The following UIMC1 variants were observed in gnomAD, a reference collection of about 807,000 sequenced individuals.
The protein encoded by UIMC1 is BRCA1-A complex subunit RAP80.
A neutral mutation model predicts 84.9 loss-of-function variants in UIMC1; 42 were observed. The ratio of observed to expected loss-of-function variants is 0.49; its 90% confidence interval spans 0.39 to 0.64. UIMC1 has a LOEUF of 0.64. Ranked by LOEUF, UIMC1 falls within the 30% of genes least tolerant of loss-of-function variation. The pLI is 0.00. For synonymous variants in UIMC1, 281 were observed against 293.0 expected (o/e 0.96, Z 0.42); for missense variants, 825 against 847.6 (o/e 0.97, Z 0.33).
chr5:176,930,919 T>C (rs538922715), intron 10 of UIMC1, among the ~76,000 whole-genome samples: 59 of 152,358 alleles, frequency 3.9e-4, no homozygotes, highest in African/African-American at 1.4e-3. Flanking sequence ...TGAGAATTCA[T>C]GTTTGCACTC....
chr5:176,911,707 TAC>T (rs1444333086), intron 10 of UIMC1, among the ~76,000 whole-genome samples: 1 of 152,184 alleles, frequency 6.6e-6, no homozygotes, highest in Admixed American at 6.5e-5. Context: ...GGGAGGGATT[TAC>T]ACTTTCCCAA....
At chr5:176,909,215 T>C (rs1028922911) in intron 11 of UIMC1, among the ~76,000 whole-genome samples, 1 of 152,234 alleles carries the variant, frequency 6.6e-6, no homozygotes, top group Non-Finnish European at 1.5e-5. Context: ...AAAAGCCATG[T>C]GGTTCTGCCA....
rs760334643 is a variant in UIMC1 at position 176,958,164 on chromosome 5, A to AAT, written c.1201-12_1201-11dup. The stretch of plus-strand genomic sequence containing the variant: ...CAATCCCTTGGGAAGACTGCAAAGA[A>AAT]ATACGTAGTATCTTAAATATACAGG... On this transcript the variant is annotated splice_polypyrimidine_tract_variant and intron_variant, in intron 6 of 14. Transcript: ENST00000511320. 5 of 1,611,890 alleles carry AAT rather than the reference A, an allele frequency of 3.1e-6. No individual in the cohort carries two copies. In the Admixed American group the frequency reaches 8.3e-5, roughly 27 times the overall value.
At position 176,943,330 on chromosome 5, in the gene UIMC1, T is replaced by A; in HGVS notation, c.1597+5A>T. 3 of 1,613,750 alleles carry A rather than the reference T, an allele frequency of 1.9e-6. No individual in the cohort carries two copies. Among genetic ancestry groups the A allele is most frequent in the Non-Finnish European group, 2.5e-6 (3 of 1,179,848 alleles). ...AAGAGTTTGGCTGTCCTGCTGGGTC[T>A]TTACCTGTATCTTCCTCCATCAGAC... On this transcript the variant is annotated splice_donor_5th_base_variant and intron_variant, in intron 10 of 14. Transcript: ENST00000511320.
At chr5:176,958,029 T>C (rs1224553783) in intron 7 of UIMC1, 64 bp downstream of exon 7, 2 of 1,521,174 alleles carry the variant, frequency 1.3e-6, no homozygotes, top group Non-Finnish European at 9.1e-7. Flanking sequence ...CTCACTCATG[T>C]GGTTCATCTC....
chr5:176,924,885 G>A (rs543184832), intron 10 of UIMC1, among the ~76,000 whole-genome samples: 254 of 151,874 alleles, frequency 1.7e-3, no homozygotes, highest in African/African-American at 5.7e-3. Flanking sequence ...CTAAAAATAC[G>A]AAAATTAGCC....
chr5:176,997,326 C>G (rs1773750897), intron 1 of UIMC1, among the ~76,000 whole-genome samples: 1 of 151,160 alleles, frequency 6.6e-6, no homozygotes, highest in African/African-American at 2.4e-5. Flanking sequence ...ACCACCGTTC[C>G]CCTCCAATCT....
chr5:176,950,095 C>A (rs887140488), intron 9 of UIMC1, among the ~76,000 whole-genome samples: 1 of 142,460 alleles, frequency 7.0e-6, no homozygotes, highest in Non-Finnish European at 1.5e-5. Context: ...TAAAAAGGAA[C>A]CTTTCTTTTT....
chr5:176,905,317 T>G lies in UIMC1; in HGVS notation c.2125A>C (p.Thr709Pro). ...VTVQPGSRTR[T>P]KAGRGRRRKF The stretch of plus-strand genomic sequence containing the variant: ...CTCCTTCTTCCTCTGCCAGCTTTGG[T>G]CCGTGTCCGACTACCTGGCTGGACA... The change falls in exon 15 of 15, where the codon ACC becomes CCC. Residue 709 changes from threonine (T) to proline (P), a missense_variant. By Grantham distance (38) the Thr-to-Pro change is conservative. Coordinates refer to ENST00000511320, the MANE Select transcript of UIMC1 (RefSeq NM_001199298.2). 6.2e-7 allele frequency: 1 copy of G among 1,614,080 alleles called. No individual in the cohort carries two copies. The highest frequency in any genetic ancestry group is 8.5e-7 in the Non-Finnish European group (1 of 1,179,966).
chr5:176,985,370 C>T (rs1456525334), intron 1 of UIMC1, among the ~76,000 whole-genome samples: 1 of 151,386 alleles, frequency 6.6e-6, no homozygotes, highest in Admixed American at 6.6e-5. Context: ...GCAGGACAAT[C>T]ACTTGAACCC....
At chr5:177,007,759 T>A (rs971407783), upstream of UIMC1, among the ~76,000 whole-genome samples, 1 of 151,606 alleles carries the variant, frequency 6.6e-6, no homozygotes, top group Non-Finnish European at 1.5e-5. Context: ...TAGCGGAAAA[T>A]GTGGGGAGAA....
At chr5:176,980,040 A>C (rs746226355) in intron 2 of UIMC1, 4 of 152,220 alleles carry the variant, frequency 2.6e-5, no homozygotes, top group Non-Finnish European at 4.4e-5. Flanking sequence ...GCTGGGACAC[A>C]TTCTTCTTCT....
chr5:176,956,375 A>G (rs1581524408), intron 7 of UIMC1, among the ~76,000 whole-genome samples: 1 of 152,248 alleles, frequency 6.6e-6, no homozygotes. Context: ...AAGGTGTTTT[A>G]TAGCCTCCAT....
rs745778858 is a variant in UIMC1 at position 176,975,430 on chromosome 5, A to G, written c.198T>C (p.Asn66=). 3 of 1,614,058 alleles carry G rather than the reference A, an allele frequency of 1.9e-6. No homozygotes were observed. Among genetic ancestry groups the G allele is most frequent in the Admixed American group, 3.3e-5 (2 of 60,010 alleles). Residue 66 remains asparagine, a synonymous_variant, in exon 3 of 15, where the codon AAT becomes AAC. Transcript: ENST00000511320. The part of the protein sequence containing the change: ...GLQKTKTKQS[N]RAKCLAKRKI... The stretch of plus-strand genomic sequence containing the variant: ...TTCTTTTGGCCAAACACTTTGCTCT[A>G]TTCGACTGTTTTGTCTTCGTTTTCT...
intron 1 of UIMC1, among the ~76,000 whole-genome samples, chr5:177,020,231 G>C (rs1035706582): frequency 4.6e-5 from 7 of 152,102 alleles, no homozygotes; most frequent in African/African-American, 7.2e-5. Context: ...TCCTGCCTCA[G>C]GGCCTTTGTA....
intron 10 of UIMC1, among the ~76,000 whole-genome samples, chr5:176,916,570 T>C (rs2149399564): frequency 6.6e-6 from 1 of 152,356 alleles, no homozygotes; most frequent in African/African-American, 2.4e-5. Flanking sequence ...TTGAATGAGA[T>C]AACTGCATTT....
chr5:176,955,263 C>T (rs566802608), intron 8 of UIMC1, among the ~76,000 whole-genome samples: 66 of 152,230 alleles, frequency 4.3e-4, no homozygotes, highest in Admixed American at 1.2e-3. Flanking sequence ...CTACCTAAAA[C>T]AAAGTACCTA....
At chr5:176,913,834 C>T (rs1293587916) in intron 10 of UIMC1, among the ~76,000 whole-genome samples, 1 of 152,100 alleles carries the variant, frequency 6.6e-6, no homozygotes, top group Non-Finnish European at 1.5e-5. Flanking sequence ...AAAAGTTAGC[C>T]AGCATGGTGG....
At chr5:176,985,974 G>A (rs575625261) in intron 1 of UIMC1, among the ~76,000 whole-genome samples, 1 of 152,192 alleles carries the variant, frequency 6.6e-6, no homozygotes, top group African/African-American at 2.4e-5. Flanking sequence ...CCTTTCAGCT[G>A]GGCGCAGTGG....
Sources: gnomAD v4.1 joint callset for allele counts (sites outside exome capture counted in the v4.1 genomes callset) on GRCh38, gnomAD v4.1.1 for gene constraint, MANE v1.5 for transcripts, NCBI Gene and HGNC (gene_info 2026-07-23, HGNC 2026-07-21) for gene names.